DLG2: variants seen among roughly 807,000 people sequenced by gnomAD.
DLG2 encodes discs large MAGUK scaffold protein 2, also known as disks large homolog 2.
DLG2 carries 45 observed loss-of-function variants against 132.5 expected under a neutral mutation model. The observed-to-expected ratio is 0.34, with a 90% CI of 0.27 to 0.44. DLG2 has a LOEUF of 0.44. DLG2 is among the 20% of genes least tolerant of loss of function. The pLI is 1.00. For missense variants in DLG2, 1,045 were observed against 1,196.9 expected, an observed-to-expected ratio of 0.87 and a Z score of 1.87; for synonymous variants, 424 against 419.6, an observed-to-expected ratio of 1.01 and a Z score of -0.13.
At chr11:84,798,493 C>A (rs1243667264) in intron 6 of DLG2, among the ~76,000 whole-genome samples, 1 of 152,130 alleles carries the variant, frequency 6.6e-6, no homozygotes, top group African/African-American at 2.4e-5. Flanking sequence ...AGGCCACTGC[C>A]AACATTTTCT....
chr11:84,339,269 C>T lies in DLG2; in HGVS notation c.520-87978G>A, dbSNP rs182598308. 6.6e-5 allele frequency among the ~76,000 whole-genome samples: 10 copies of T among 152,220 alleles called. No homozygotes were observed. In the East Asian group the frequency reaches 1.9e-3, roughly 29 times the overall value. On this transcript the variant is annotated intron_variant, in intron 7 of 27. Coordinates refer to ENST00000376104, the MANE Select transcript of DLG2 (RefSeq NM_001142699.3). Reference sequence around the variant, plus strand: ...AGCAAAAGTAATAGGATGAAGGGGGCCTACACTTATGAAGCATTAATGTGC... The same window carrying T: ...AGCAAAAGTAATAGGATGAAGGGGGTCTACACTTATGAAGCATTAATGTGC...
chr11:85,467,736 A>G (rs996683160), intron 3 of DLG2, among the ~76,000 whole-genome samples: 2 of 152,162 alleles, frequency 1.3e-5, no homozygotes, highest in Non-Finnish European at 2.9e-5. Context: ...GGATTTTTGC[A>G]TCGATGTTCA....
chr11:84,927,206 C>G (rs765186066), intron 6 of DLG2, among the ~76,000 whole-genome samples: 1 of 152,036 alleles, frequency 6.6e-6, no homozygotes, highest in Non-Finnish European at 1.5e-5. Flanking sequence ...GCAACACCCT[C>G]TTTTAATATG....
chr11:85,605,431 C>T (rs2080460978), intron 2 of DLG2, among the ~76,000 whole-genome samples: 1 of 152,138 alleles, frequency 6.6e-6, no homozygotes, highest in Non-Finnish European at 1.5e-5. Flanking sequence ...CACAAATGTT[C>T]AAATTTAGTC....
chr11:84,195,271 C>T (rs1373393418), intron 8 of DLG2, among the ~76,000 whole-genome samples: 2 of 152,222 alleles, frequency 1.3e-5, no homozygotes, highest in Admixed American at 1.3e-4. Flanking sequence ...TCAAGCAATT[C>T]CCCTGCCTCG....
intron 3 of DLG2, among the ~76,000 whole-genome samples, chr11:85,419,865 T>C (rs949991342): frequency 2.0e-5 from 3 of 152,224 alleles, no homozygotes; most frequent in African/African-American, 4.8e-5. Context: ...CTTCCTTGCA[T>C]TGGGTTAGAA....
At chr11:83,698,706 T>C (rs184468480) in intron 18 of DLG2, among the ~76,000 whole-genome samples, 21 of 152,360 alleles carry the variant, frequency 1.4e-4, no homozygotes, top group Non-Finnish European at 3.1e-4. Context: ...ATATCTTTAC[T>C]GAGTTTTTGC....
intron 9 of DLG2, among the ~76,000 whole-genome samples, chr11:84,147,500 T>TA (rs1235522631): frequency 6.6e-6 from 1 of 152,166 alleles, no homozygotes; most frequent in Non-Finnish European, 1.5e-5. Flanking sequence ...CAAAATATCA[T>TA]AGTCTCAAAC....
At chr11:84,394,097 G>C (rs1352125229) in intron 7 of DLG2, among the ~76,000 whole-genome samples, 2 of 152,006 alleles carry the variant, frequency 1.3e-5, no homozygotes, top group African/African-American at 2.4e-5. Flanking sequence ...GGCTGGTCTC[G>C]AACTCCTGAT....
intron 3 of DLG2, among the ~76,000 whole-genome samples, chr11:85,500,751 G>A (rs989387134): frequency 1.3e-5 from 2 of 152,032 alleles, no homozygotes; most frequent in African/African-American, 4.8e-5. Flanking sequence ...ACAAACCACT[G>A]CTCAAGGAAA....
At chr11:85,522,737 T>C (rs550688506) in intron 3 of DLG2, among the ~76,000 whole-genome samples, 1 of 152,346 alleles carries the variant, frequency 6.6e-6, no homozygotes, top group East Asian at 1.9e-4. Context: ...TTCAGACTTC[T>C]ATGGGGTCTG....
chr11:84,104,664 C>T lies in DLG2; in HGVS notation c.625-5617G>A, dbSNP rs559225285. ...TGAGAAAAAAGTGACATTTTAATTA[C>T]AGTATGATTGCCACTGAAGACATTT... On this transcript the variant is annotated intron_variant, in intron 9 of 27. Coordinates refer to ENST00000376104, the MANE Select transcript of DLG2 (RefSeq NM_001142699.3). Among the ~76,000 whole-genome samples the T allele has an allele frequency of 6.6e-5, 10 of 152,054 alleles. No homozygotes were observed. In the South Asian group the frequency reaches 2.1e-3, roughly 32 times the overall value.
chr11:84,765,260 T>A (rs1354484455), intron 6 of DLG2, among the ~76,000 whole-genome samples: 1 of 152,078 alleles, frequency 6.6e-6, no homozygotes, highest in Non-Finnish European at 1.5e-5. Flanking sequence ...ATATAGTCCC[T>A]GTTTCTACAC....
chr11:85,280,969 CATCTT>C (rs1430974163), intron 4 of DLG2, among the ~76,000 whole-genome samples: 5 of 151,978 alleles, frequency 3.3e-5, no homozygotes, highest in Non-Finnish European at 5.9e-5. Flanking sequence ...CTGCTCCTGT[CATCTT>C]ATGATATCAA....
chr11:84,229,663 C>T lies in DLG2; in HGVS notation c.573+21575G>A, dbSNP rs546384488. Among the ~76,000 whole-genome samples the T allele has an allele frequency of 3.3e-5, 5 of 152,298 alleles. No individual in the cohort carries two copies. In the South Asian group the frequency reaches 1.0e-3, roughly 32 times the overall value. On this transcript the variant is annotated intron_variant, in intron 8 of 27. Transcript: ENST00000376104. ...GCTAATGCCACTGGTTTGAAGACCC[C>T]TCTCTCAAGTAGTAAGGGTTTAGAG... is the stretch of plus-strand genomic sequence containing the variant.
chr11:85,361,796 G>A (rs570848610), intron 3 of DLG2, among the ~76,000 whole-genome samples: 38 of 152,160 alleles, frequency 2.5e-4, no homozygotes, highest in Middle Eastern at 6.8e-3. Flanking sequence ...CTCCTTTTTC[G>A]TTCCTTTTGA....
chr11:84,961,825 T>C (rs1198961989), intron 6 of DLG2, among the ~76,000 whole-genome samples: 4 of 152,182 alleles, frequency 2.6e-5, no homozygotes, highest in African/African-American at 9.7e-5. Context: ...AAAAGGTCTG[T>C]AGCTGAAACT....
intron 21 of DLG2, among the ~76,000 whole-genome samples, chr11:83,507,415 A>G (rs915588763): frequency 6.7e-6 from 1 of 148,666 alleles, no homozygotes; most frequent in Middle Eastern, 3.3e-3. Context: ...ATATATATAC[A>G]CACATACATA....
intron 7 of DLG2, among the ~76,000 whole-genome samples, chr11:84,308,562 C>T (rs912361038): frequency 2.0e-5 from 3 of 152,230 alleles, no homozygotes; most frequent in Middle Eastern, 3.2e-3. Flanking sequence ...ACTCCTCAGC[C>T]CTTGGGCGGT....
Sources: allele counts gnomAD v4.1 joint callset (sites outside exome capture counted in the v4.1 genomes callset), GRCh38; gene constraint gnomAD v4.1.1; transcripts MANE v1.5; gene names NCBI Gene and HGNC (gene_info 2026-07-23, HGNC 2026-07-21).